Variants in PPP2R2B observed in about 807,000 individuals in gnomAD.
The protein encoded by PPP2R2B is protein phosphatase 2 regulatory subunit Bbeta.
A neutral mutation model predicts 46.0 loss-of-function variants in PPP2R2B; 5 were observed. The observed-to-expected ratio is 0.11, with a 90% CI of 0.06 to 0.23. The LOEUF is 0.23. PPP2R2B is among the 10% of genes least tolerant of loss of function. PPP2R2B has a pLI of 1.00. For missense variants in PPP2R2B, 367 were observed against 575.0 expected, an observed-to-expected ratio of 0.64 and a Z score of 3.70; for synonymous variants, 215 against 206.7, an observed-to-expected ratio of 1.04 and a Z score of -0.34.
Position 146,928,463 on chromosome 5 carries a change from C to CA in PPP2R2B, c.79+127201dup, listed in dbSNP as rs772349730. Among the ~76,000 whole-genome samples the CA allele has an allele frequency of 4.5e-3, 670 of 148,590 alleles. 6 individuals are homozygous for CA. The highest frequency in any genetic ancestry group is 7.9e-3 in the African/African-American group (322 of 40,654). The stretch of plus-strand genomic sequence containing the variant: ...AATTTATCTGCTCAGATGCTCAGAC[C>CA]AAAAAAAAAATCAAGTTATTCTTAA... On this transcript the variant is annotated intron_variant, in intron 1 of 8. Coordinates refer to the PPP2R2B transcript ENST00000336640.
rs142059715 is a variant in PPP2R2B, at chr5:146,982,287, A to G, written c.79+73378T>C. ...TTTTTATTTTCATTCCATTTCATATATTTATTTTCCTCAAGACTTCCTTTT... is the reference window on the plus strand; with the variant it reads ...TTTTTATTTTCATTCCATTTCATATGTTTATTTTCCTCAAGACTTCCTTTT... On this transcript the variant is annotated intron_variant, in intron 1 of 8. Coordinates refer to the PPP2R2B transcript ENST00000336640. Among the ~76,000 whole-genome samples the G allele has an allele frequency of 2.0e-5, 3 of 152,198 alleles. 1 individual carries two copies. The highest frequency in any genetic ancestry group is 4.4e-5 in the Non-Finnish European group (3 of 68,010).
intron 1 of PPP2R2B, among the ~76,000 whole-genome samples, chr5:146,899,947 G>A (rs927683208): frequency 1.6e-4 from 24 of 152,118 alleles, no homozygotes; most frequent in African/African-American, 5.8e-4. Context: ...CCATATCTAT[G>A]TTAGTAACTA....
At chr5:146,810,540 CAGAT>C (rs980309723) in intron 2 of PPP2R2B, among the ~76,000 whole-genome samples, 1 of 152,148 alleles carries the variant, frequency 6.6e-6, no homozygotes, top group African/African-American at 2.4e-5. Flanking sequence ...TGCGGAAACT[CAGAT>C]AGAGCAAGTA....
intron 2 of PPP2R2B, among the ~76,000 whole-genome samples, chr5:146,779,443 C>T (rs182737771): frequency 1.2e-3 from 190 of 152,250 alleles, no homozygotes; most frequent in Non-Finnish European, 1.9e-3. Context: ...TCCCACACTG[C>T]AGTTCATGAT....
chr5:146,881,624 G>A (rs1394370464), upstream of PPP2R2B, among the ~76,000 whole-genome samples: 5 of 152,076 alleles, frequency 3.3e-5, no homozygotes, highest in African/African-American at 1.2e-4. Flanking sequence ...TGTTGGCCAG[G>A]CTGGTCTCAA....
At chr5:146,868,877 G>A (rs891457570) in intron 2 of PPP2R2B, among the ~76,000 whole-genome samples, 3 of 152,204 alleles carry the variant, frequency 2.0e-5, no homozygotes, top group Non-Finnish European at 4.4e-5. Context: ...AGACCTGGAT[G>A]TGACTTCTGT....
chr5:146,839,430 GA>G, intron 2 of PPP2R2B, among the ~76,000 whole-genome samples: 1 of 152,198 alleles, frequency 6.6e-6, no homozygotes, highest in Non-Finnish European at 1.5e-5. Flanking sequence ...TGGGGCAGGA[GA>G]ATCGCTTGAG....
At chr5:147,014,745 GA>G (rs1554085269) in intron 1 of PPP2R2B, among the ~76,000 whole-genome samples, 3 of 140,732 alleles carry the variant, frequency 2.1e-5, no homozygotes, top group Non-Finnish European at 4.6e-5. Flanking sequence ...GGGGTAGGGG[GA>G]GGGGGGAGGG....
intron 7 of PPP2R2B, among the ~76,000 whole-genome samples, chr5:146,632,833 A>G (rs1168815972): frequency 6.6e-6 from 1 of 152,164 alleles, no homozygotes; most frequent in African/African-American, 2.4e-5. Flanking sequence ...CTGAGGTGGG[A>G]AAGGGCTGGA....
At position 146,638,204 on chromosome 5, in the gene PPP2R2B, T is replaced by C. The variant is rs139732448; in HGVS notation, c.790+47A>G. 1,285 of 1,582,964 alleles carry C rather than the reference T, an allele frequency of 8.1e-4. 8 individuals are homozygous for C. The African/African-American group carries it at 0.012, about 15-fold the overall frequency. On this transcript the variant is annotated intron_variant, in intron 7 of 9. Transcript: ENST00000394411. ...AGCTTCCAGGCTCTCCCCCAGCACA[T>C]TGGGGCCAGTGGCCATGCCCCCCAC...
intron 1 of PPP2R2B, among the ~76,000 whole-genome samples, chr5:146,968,134 C>G (rs1349462527): frequency 2.0e-5 from 3 of 152,248 alleles, no homozygotes; most frequent in East Asian, 1.9e-4. Context: ...GATCACTGAC[C>G]TGGGCAAAGG....
At chr5:146,979,470 T>C (rs1753066032) in intron 1 of PPP2R2B, among the ~76,000 whole-genome samples, 1 of 152,008 alleles carries the variant, frequency 6.6e-6, no homozygotes, top group South Asian at 2.1e-4. Context: ...CCTACAGTAG[T>C]ACCTGCCACA....
chr5:146,954,998 T>G (rs183162687), intron 1 of PPP2R2B, among the ~76,000 whole-genome samples: 2 of 152,298 alleles, frequency 1.3e-5, no homozygotes, highest in Admixed American at 1.3e-4. Context: ...ATAACTTATC[T>G]GCTCGATGGT....
chr5:146,771,280 A>G (rs530819343), intron 2 of PPP2R2B, among the ~76,000 whole-genome samples: 3 of 152,178 alleles, frequency 2.0e-5, no homozygotes, highest in Non-Finnish European at 4.4e-5. Flanking sequence ...CAGCACAGAA[A>G]TTTCAAAGGC....
intron 2 of PPP2R2B, among the ~76,000 whole-genome samples, chr5:146,801,886 A>G (rs758594731): frequency 6.6e-5 from 10 of 152,348 alleles, no homozygotes; most frequent in Non-Finnish European, 7.3e-5. Flanking sequence ...CCCAAATTCG[A>G]AGATGAGTTA....
chr5:146,647,710 T>C (rs1775680868), intron 6 of PPP2R2B, among the ~76,000 whole-genome samples: 2 of 152,068 alleles, frequency 1.3e-5, no homozygotes, highest in Non-Finnish European at 1.5e-5. Context: ...AGAGGCAAAA[T>C]TCAGAAAACA....
chr5:146,724,100 C>T (rs1751693187), intron 2 of PPP2R2B, among the ~76,000 whole-genome samples: 1 of 152,082 alleles, frequency 6.6e-6, no homozygotes, highest in Non-Finnish European at 1.5e-5. Context: ...CTTACATGTC[C>T]AGACCCTGGG....
chr5:146,594,700 G>A (rs531169986), intron 8 of PPP2R2B, among the ~76,000 whole-genome samples: 6 of 152,278 alleles, frequency 3.9e-5, no homozygotes, highest in African/African-American at 9.6e-5. Flanking sequence ...ACTGAGCCCC[G>A]GTATCAGGCT....
At chr5:146,985,095 A>C (rs1205152594) in intron 1 of PPP2R2B, among the ~76,000 whole-genome samples, 2 of 134,404 alleles carry the variant, frequency 1.5e-5, no homozygotes, top group African/African-American at 5.7e-5. Flanking sequence ...ATCTCGGCTC[A>C]CTGCAACCTA....
Sources: gnomAD v4.1 joint callset for allele counts (sites outside exome capture counted in the v4.1 genomes callset) on GRCh38, gnomAD v4.1.1 for gene constraint, MANE v1.5 for transcripts, NCBI Gene and HGNC (gene_info 2026-07-23, HGNC 2026-07-21) for gene names.